SRRM3: variants seen among roughly 807,000 people sequenced by gnomAD.
SRRM3 encodes the protein serine/arginine repetitive matrix protein 3.
A neutral mutation model predicts 66.2 loss-of-function variants in SRRM3; 27 were observed. That is an observed-to-expected ratio of 0.41 (90% CI 0.30 to 0.56). SRRM3 has a LOEUF of 0.56. Ranked by LOEUF, SRRM3 falls within the 20% of genes least tolerant of loss-of-function variation. SRRM3 has a pLI of 0.32. For missense variants in SRRM3, 918 were observed against 991.9 expected (o/e 0.93, Z 1.00); for synonymous variants, 391 against 414.9 (o/e 0.94, Z 0.70).
chr7:76,232,572 C>CA lies in SRRM3; in HGVS notation c.-39-2445dup, dbSNP rs1295713420. 7.8e-3 allele frequency among the ~76,000 whole-genome samples: 1,099 copies of CA among 140,906 alleles called. 30 individuals are homozygous for CA. The highest frequency in any genetic ancestry group is 0.052 in the Admixed American group (745 of 14,264). The allele number at this position is 140,906 out of a possible 152,430, so 92.4% of individuals were successfully genotyped here. A position where few individuals can be genotyped will look rare whatever the true frequency, so the allele number is the denominator to read the frequency against. ...GGGTGACAGAGTGAGACTCCTTCTCCAAAAAAAAAAAGAGCTCTGGGAGGG... is the reference window on the plus strand; with the variant it reads ...GGGTGACAGAGTGAGACTCCTTCTCCAAAAAAAAAAAAGAGCTCTGGGAGGG... On this transcript the variant is annotated intron_variant, in intron 1 of 14. Transcript: ENST00000611745.
chr7:76,217,077 G>A (rs1177231282), intron 1 of SRRM3, among the ~76,000 whole-genome samples: 2 of 152,200 alleles, frequency 1.3e-5, no homozygotes, highest in Middle Eastern at 6.3e-3. Flanking sequence ...CGGACTGTCT[G>A]TCCAGCACAC....
At chr7:76,211,505 G>A (rs928300227) in intron 1 of SRRM3, among the ~76,000 whole-genome samples, 8 of 152,216 alleles carry the variant, frequency 5.3e-5, no homozygotes, top group African/African-American at 1.2e-4. Context: ...CAGTAGGTAA[G>A]TGCATGGCCA....
chr7:76,209,836 C>G (rs1554601548), intron 1 of SRRM3, among the ~76,000 whole-genome samples: 1 of 152,058 alleles, frequency 6.6e-6, no homozygotes, highest in African/African-American at 2.4e-5. Context: ...AAATGCCTGG[C>G]CTCAAGCAAT....
chr7:76,202,350 G>A (rs191359296), intron 1 of SRRM3, among the ~76,000 whole-genome samples: 9 of 152,202 alleles, frequency 5.9e-5, no homozygotes, highest in Non-Finnish European at 8.8e-5. Flanking sequence ...TGCCAGGGAG[G>A]CCCCCCAACC....
intron 11 of SRRM3, chr7:76,270,019 A>C (rs1305113861): frequency 1.3e-5 from 2 of 151,968 alleles, no homozygotes; most frequent in Non-Finnish European, 2.9e-5. Flanking sequence ...AGCTCCTGCC[A>C]AGTCAGCAGC....
rs115994372 is a variant in SRRM3, at chr7:76,276,538, A to G, written c.1009-4903A>G. On this transcript the variant is annotated intron_variant, in intron 11 of 14. Coordinates refer to ENST00000611745, the MANE Select transcript of SRRM3 (RefSeq NM_001110199.3). ...CCTGGAGCTGAGGGTAGGGATGCCA[A>G]TAGGCATTAGCCAGGCTGTGGGTGG... Among the ~76,000 whole-genome samples the G allele has an allele frequency of 4.9e-3, 743 of 152,226 alleles. 6 individuals carry two copies. The highest frequency in any genetic ancestry group is 0.017 in the African/African-American group (703 of 41,560).
chr7:76,265,798 ATTTATATAT>A (rs1454717569), intron 10 of SRRM3, among the ~76,000 whole-genome samples: 1 of 102,000 alleles, frequency 9.8e-6, no homozygotes, highest in Admixed American at 1.1e-4. Context: ...TATATTTAAT[ATTTATATAT>A]TTTATATATT....
chr7:76,218,195 G>A (rs1202063027), intron 1 of SRRM3, among the ~76,000 whole-genome samples: 3 of 152,312 alleles, frequency 2.0e-5, no homozygotes, highest in East Asian at 1.9e-4. Flanking sequence ...AGGCTTCTCC[G>A]ATTTCACTGC....
intron 2 of SRRM3, among the ~76,000 whole-genome samples, chr7:76,243,753 T>A (rs1563622260): frequency 6.6e-6 from 1 of 152,120 alleles, no homozygotes; most frequent in Non-Finnish European, 1.5e-5. Flanking sequence ...CCCATGCCAG[T>A]CTCTGTCTCC....
At chr7:76,245,176 T>C (rs1801408313) in intron 2 of SRRM3, among the ~76,000 whole-genome samples, 1 of 152,220 alleles carries the variant, frequency 6.6e-6, no homozygotes, top group Non-Finnish European at 1.5e-5. Flanking sequence ...ACCTGAAAGT[T>C]AATGTATGAG....
chr7:76,232,986 G>A (rs1385523168), intron 1 of SRRM3, among the ~76,000 whole-genome samples: 1 of 151,868 alleles, frequency 6.6e-6, no homozygotes, highest in African/African-American at 2.4e-5. Context: ...GAGAGGAAGT[G>A]GATAAATGTG....
chr7:76,253,787 CA>C (rs782083114), intron 3 of SRRM3, among the ~76,000 whole-genome samples: 16,959 of 65,072 alleles, frequency 0.26, 590 homozygotes, highest in East Asian at 0.38. Flanking sequence ...AACTCTGTTT[CA>C]AAAAAAAAAA....
chr7:76,236,005 C>CAAAAAAAAAAAAAAAAA lies in SRRM3; in HGVS notation c.233+715_233+731dup, dbSNP rs1161706465. On this transcript the variant is annotated intron_variant, in intron 2 of 14. Transcript: ENST00000611745. ...TGGGCAACAGATCGAGATTCTGTCT[C>CAAAAAAAAAAAAAAAAA]AAAAAAAAAAAAAAAAAAAAAAAAA... Among the ~76,000 whole-genome samples the CAAAAAAAAAAAAAAAAA allele has an allele frequency of 9.4e-4, 19 of 20,274 alleles. 1 individual carries two copies. Among genetic ancestry groups the CAAAAAAAAAAAAAAAAA allele is most frequent in the East Asian group, 2.2e-3 (1 of 448 alleles). The allele number at this position is 20,274 out of a possible 152,430, so 13.3% of individuals were successfully genotyped here. A position where few individuals can be genotyped will look rare whatever the true frequency, so the allele number is the denominator to read the frequency against.
intron 10 of SRRM3, 69 bp downstream of exon 10, chr7:76,265,537 G>C: frequency 1.6e-6 from 2 of 1,275,976 alleles, no homozygotes; most frequent in Non-Finnish European, 2.2e-6. Flanking sequence ...CACCCCCAAG[G>C]GCTGGGGAGC....
At chr7:76,278,644 C>A (rs1054681037) in intron 11 of SRRM3, among the ~76,000 whole-genome samples, 1 of 152,216 alleles carries the variant, frequency 6.6e-6, no homozygotes, top group Non-Finnish European at 1.5e-5. Context: ...ATGCCTGTGT[C>A]TGCCCCAAAT....
At chr7:76,234,343 G>A (rs959699254) in intron 1 of SRRM3, among the ~76,000 whole-genome samples, 29 of 152,224 alleles carry the variant, frequency 1.9e-4, no homozygotes, top group Admixed American at 1.8e-3. Flanking sequence ...TAATGTCAGT[G>A]TCAGCTTTGG....
At chr7:76,225,580 C>A (rs1270123258) in intron 1 of SRRM3, among the ~76,000 whole-genome samples, 1 of 151,506 alleles carries the variant, frequency 6.6e-6, no homozygotes, top group Non-Finnish European at 1.5e-5. Context: ...AGGACTGCGA[C>A]GCTGCCAGAG....
At chr7:76,281,033 G>T (rs1316429645) in intron 11 of SRRM3, among the ~76,000 whole-genome samples, 1 of 121,272 alleles carries the variant, frequency 8.2e-6, no homozygotes, top group African/African-American at 3.3e-5. Flanking sequence ...CTCCTCCCTT[G>T]CTCTCTCCTC....
At chr7:76,282,111 C>T (rs997381151) in intron 12 of SRRM3, among the ~76,000 whole-genome samples, 65 of 148,650 alleles carry the variant, frequency 4.4e-4, no homozygotes, top group Non-Finnish European at 9.0e-5. Context: ...GCACACTGAT[C>T]TCAACTCCCC....
Sources: allele counts gnomAD v4.1 joint callset (sites outside exome capture counted in the v4.1 genomes callset), GRCh38; gene constraint gnomAD v4.1.1; transcripts MANE v1.5; gene names NCBI Gene and HGNC (gene_info 2026-07-23, HGNC 2026-07-21).